Variants in CACNA1C observed in about 807,000 individuals in gnomAD.
The protein encoded by CACNA1C is calcium voltage-gated channel subunit alpha1 C.
Under a neutral mutation model 229.0 loss-of-function variants are expected in CACNA1C, and 30 were observed. That is an observed-to-expected ratio of 0.13 (90% confidence interval 0.10 to 0.18). The LOEUF is 0.18. Ranked by LOEUF, CACNA1C falls within the 10% of genes least tolerant of loss-of-function variation. The pLI, the probability that CACNA1C is intolerant of heterozygous loss-of-function variation, is 1.00. For synonymous variants in CACNA1C, 1,114 were observed against 1,132.5 expected (o/e 0.98, Z 0.33); for missense variants, 1,658 against 2,845.0 (o/e 0.58, Z 9.49).
Position 2,483,707 on chromosome 12 carries a change from G to A in CACNA1C, c.758-2397G>A, listed in dbSNP as rs1357745043. Among the ~76,000 whole-genome samples, 3 of 152,126 alleles carry A rather than the reference G, an allele frequency of 2.0e-5. No individual in the cohort carries two copies. In the East Asian group the frequency reaches 5.8e-4, roughly 29 times the overall value. ...TTCTGGTCTGGGTGCTCAGGTGAGT[G>A]GCGTGACCCCCAGCCTGGACGGGGA... On this transcript the variant is annotated intron_variant, in intron 5 of 46. Coordinates refer to ENST00000399655, the MANE Select transcript of CACNA1C (RefSeq NM_000719.7).
At chr12:2,397,270 TG>T (rs945836992) in intron 3 of CACNA1C, among the ~76,000 whole-genome samples, 1 of 152,242 alleles carries the variant, frequency 6.6e-6, no homozygotes, top group African/African-American at 2.4e-5. Context: ...TTGTTTTGTT[TG>T]GCTTTTTGCT....
At chr12:2,419,412 C>T (rs544975910) in intron 3 of CACNA1C, among the ~76,000 whole-genome samples, 4 of 152,264 alleles carry the variant, frequency 2.6e-5, no homozygotes, top group Admixed American at 1.3e-4. Flanking sequence ...GAGGGATCCA[C>T]CGCCACGGCC....
intron 3 of CACNA1C, among the ~76,000 whole-genome samples, chr12:2,164,234 G>C (rs1041265574): frequency 6.6e-6 from 1 of 152,186 alleles, no homozygotes; most frequent in Non-Finnish European, 1.5e-5. Context: ...GTTCTTTGGG[G>C]CCAGACACTG....
intron 3 of CACNA1C, among the ~76,000 whole-genome samples, chr12:2,420,153 G>A (rs114667161): frequency 0.013 from 1,902 of 150,534 alleles, 57 homozygotes; most frequent in African/African-American, 0.042. Context: ...GTGTGTAGGG[G>A]GAGGGAGCAT....
At chr12:2,377,054 G>C (rs1398400496) in intron 3 of CACNA1C, among the ~76,000 whole-genome samples, 2 of 152,270 alleles carry the variant, frequency 1.3e-5, no homozygotes, top group African/African-American at 2.4e-5. Context: ...GCAGCCCCAG[G>C]GTAATAATTA....
At chr12:2,358,250 CCTGTGTG>C (rs2097441486) in intron 3 of CACNA1C, among the ~76,000 whole-genome samples, 1 of 120,348 alleles carries the variant, frequency 8.3e-6, no homozygotes, top group Admixed American at 9.4e-5. Flanking sequence ...GCGGCGTCCT[CCTGTGTG>C]TGTGTGTGTG....
At chr12:2,551,103 A>C (rs2099900902) in intron 10 of CACNA1C, among the ~76,000 whole-genome samples, 1 of 152,132 alleles carries the variant, frequency 6.6e-6, no homozygotes, top group African/African-American at 2.4e-5. Context: ...CCAAACAGCA[A>C]CTCTAGGGAA....
At chr12:2,372,965 T>C (rs1718311720) in intron 3 of CACNA1C, among the ~76,000 whole-genome samples, 1 of 152,210 alleles carries the variant, frequency 6.6e-6, no homozygotes, top group Non-Finnish European at 1.5e-5. Context: ...GCTCCTTGAC[T>C]CACCATCCAA....
chr12:2,224,953 CA>C (rs2062542144), intron 3 of CACNA1C, among the ~76,000 whole-genome samples: 1 of 152,144 alleles, frequency 6.6e-6, no homozygotes, highest in South Asian at 2.1e-4. Context: ...TTGTCACACC[CA>C]AATTTTTGCA....
chr12:2,106,638 C>G (rs865903140), intron 1 of CACNA1C, among the ~76,000 whole-genome samples: 1 of 48,580 alleles, frequency 2.1e-5, no homozygotes, highest in Non-Finnish European at 4.6e-5. Context: ...AGCCACTGGG[C>G]GCCCACCCCG....
At chr12:2,165,224 A>G (rs188112327) in intron 3 of CACNA1C, among the ~76,000 whole-genome samples, 188 of 152,374 alleles carry the variant, frequency 1.2e-3, no homozygotes, top group Non-Finnish European at 2.3e-3. Flanking sequence ...ATCAATTGTA[A>G]ACCTGCACTT....
intron 45 of CACNA1C, among the ~76,000 whole-genome samples, chr12:2,687,867 G>A (rs1354102066): frequency 2.0e-5 from 3 of 152,216 alleles, no homozygotes; most frequent in Admixed American, 6.5e-5. Context: ...ATACAGCACC[G>A]GATTTAACAA....
intron 1 of CACNA1C, among the ~76,000 whole-genome samples, chr12:2,084,986 C>G (rs898835049): frequency 3.3e-5 from 5 of 152,168 alleles, no homozygotes; most frequent in Non-Finnish European, 5.9e-5. Context: ...CTATTCCTCC[C>G]AGATTTGTGT....
chr12:2,051,023 A>G (rs1238820237), upstream of CACNA1C, among the ~76,000 whole-genome samples: 11 of 152,356 alleles, frequency 7.2e-5, no homozygotes, highest in East Asian at 2.1e-3. Flanking sequence ...GGGGATACAG[A>G]CAATAAGCAA....
At chr12:2,017,511 G>A (rs1452188478) in intron 1 of CACNA1C, among the ~76,000 whole-genome samples, 1 of 151,964 alleles carries the variant, frequency 6.6e-6, no homozygotes, top group Non-Finnish European at 1.5e-5. Context: ...TGGTAATGTA[G>A]ATCATTAAGC....
At chr12:2,631,253 G>A (rs2090261725) in intron 29 of CACNA1C, among the ~76,000 whole-genome samples, 1 of 151,700 alleles carries the variant, frequency 6.6e-6, no homozygotes, top group Non-Finnish European at 1.5e-5. Flanking sequence ...CTTGAGCACT[G>A]ACACTCACAC....
At position 2,053,203 on chromosome 12, in the gene CACNA1C, G is replaced by C. The variant is rs11062091; in HGVS notation, c.-360G>C. The C allele has an allele frequency of 1.0e-6, 1 of 1,000,684 alleles. No individual in the cohort carries two copies. Among genetic ancestry groups the C allele is most frequent in the Admixed American group, 6.0e-5 (1 of 16,610 alleles). 62.0% of individuals were successfully genotyped at this position (1,000,684 alleles called of 1,614,324 possible). A position where few individuals can be genotyped will look rare whatever the true frequency, so the allele number is the denominator to read the frequency against. On this transcript the variant is annotated 5_prime_UTR_variant, in exon 1 of 47. Coordinates refer to ENST00000399655, the MANE Select transcript of CACNA1C (RefSeq NM_000719.7). This position sits in a 1 kb window ranked among gnomAD's most constrained non-coding sequence, Gnocchi z 5.8. The stretch of plus-strand genomic sequence containing the variant: ...CTGCCGGCCCAGGCGGGCCCCGCGC[G>C]CCCCCCGCCCCTCCTCTCCGCCTCT...
rs764212214 is a variant in CACNA1C, at chr12:2,682,561, G to A, written c.5456G>A (p.Arg1819Gln). 2.0e-5 allele frequency: 32 copies of A among 1,612,160 alleles called. No homozygotes were observed. The highest frequency in any genetic ancestry group is 9.3e-5 in the African/African-American group (7 of 75,002). ...WKLSSNRCHS[R>Q]ESQAAMAGQE... The stretch of plus-strand genomic sequence containing the variant: ...CTTGGATATTGTAGGTGCCACTCCC[G>A]GGAGAGCCAGGCAGCCATGGCGGGT... The change falls in exon 43 of 47, where the codon CGG becomes CAG. Residue 1819 changes from arginine (R) to glutamine (Q), a missense_variant. Arg to Gln is a conservative substitution (Grantham distance 43). Coordinates refer to ENST00000399655, the MANE Select transcript of CACNA1C (RefSeq NM_000719.7).
At chr12:2,487,643 T>A (rs1366558954) in intron 6 of CACNA1C, among the ~76,000 whole-genome samples, 3 of 151,848 alleles carry the variant, frequency 2.0e-5, no homozygotes, top group Non-Finnish European at 4.4e-5. Context: ...CTAGAGAGAA[T>A]TTCCAAATTA....
Sources: gnomAD v4.1 joint callset for allele counts (sites outside exome capture counted in the v4.1 genomes callset) on GRCh38, gnomAD v4.1.1 for gene constraint, Gnocchi (gnomAD v3.1) non-coding constraint, MANE v1.5 for transcripts, NCBI Gene and HGNC (gene_info 2026-07-23, HGNC 2026-07-21) for gene names.